Variants in ANKRD24 observed in about 807,000 individuals in gnomAD.
ANKRD24 encodes the protein ankyrin repeat domain 24.
A neutral mutation model predicts 127.8 loss-of-function variants in ANKRD24; 109 were observed. The ratio of observed to expected loss-of-function variants is 0.85; its 90% CI spans 0.73 to 1.00. The LOEUF (loss-of-function observed/expected upper bound fraction) is 1.00. ANKRD24 is among the 50% of genes least tolerant of loss of function. The pLI is 0.00. For missense variants in ANKRD24, 1,648 were observed against 1,570.2 expected (o/e 1.05, Z -0.84); for synonymous variants, 743 against 671.1 (o/e 1.11, Z -1.66).
chr19:4,195,227 C>T lies in ANKRD24; in HGVS notation c.37-4456C>T, dbSNP rs1174957345. ...AGCTGGGACTACAGGCGCCCACCACCACGCCCGGCTAATTTTTTGTATTTT... is the reference window on the plus strand; with the variant it reads ...AGCTGGGACTACAGGCGCCCACCACTACGCCCGGCTAATTTTTTGTATTTT... On this transcript the variant is annotated intron_variant, in intron 2 of 21. Coordinates refer to ENST00000318934, the MANE Select transcript of ANKRD24 (RefSeq NM_001393985.1). The surrounding 1 kb of genome is among the most constrained non-coding windows in gnomAD (Gnocchi z 4.2). Among the ~76,000 whole-genome samples, 5 of 152,080 alleles carry T rather than the reference C, an allele frequency of 3.3e-5. No individual in the cohort carries two copies. The highest frequency in any genetic ancestry group is 7.4e-5 in the Non-Finnish European group (5 of 68,022).
Position 4,216,614 on chromosome 19 carries a change from C to G in ANKRD24, c.1454C>G (p.Pro485Arg), listed in dbSNP as rs752828452. The G allele has an allele frequency of 1.2e-6, 2 of 1,611,026 alleles. No homozygotes were observed. Among genetic ancestry groups the G allele is most frequent in the South Asian group, 1.1e-5 (1 of 90,350 alleles). Reference protein sequence around the residue: ...MEVEALAEVIPLALYDSLRAE... With the variant: ...MEVEALAEVIRLALYDSLRAE... ...GTGGAAGCTTTGGCAGAGGTCATCCCTCTTGCCCTCTATGACTCTCTCCGG... is the reference window on the plus strand; with the variant it reads ...GTGGAAGCTTTGGCAGAGGTCATCCGTCTTGCCCTCTATGACTCTCTCCGG... Residue 485 changes from proline to arginine, a missense_variant, in exon 18 of 22, where the codon CCT (proline) becomes CGT (arginine). Transcript: ENST00000318934.
At chr19:4,192,562 C>A (rs1000918089) in intron 2 of ANKRD24, among the ~76,000 whole-genome samples, 3 of 151,918 alleles carry the variant, frequency 2.0e-5, no homozygotes, top group Non-Finnish European at 1.5e-5. Flanking sequence ...ATAGCTGGTC[C>A]TGCATGGAAT....
intron 2 of ANKRD24, 70 bp downstream of exon 2, chr19:4,186,531 G>T: frequency 6.6e-7 from 1 of 1,519,980 alleles, no homozygotes; most frequent in Non-Finnish European, 9.0e-7. Flanking sequence ...GGGCTTGGCT[G>T]AAGATCCACC....
chr19:4,183,484 G>A (rs1743910980), intron 1 of ANKRD24: 1 of 384,262 alleles, frequency 2.6e-6, no homozygotes, highest in Non-Finnish European at 3.6e-6. Context: ...CCAGGTAATG[G>A]TGACATGGTG....
rs534848864 is a variant in ANKRD24 at position 4,207,865 on chromosome 19, C to G, written c.729C>G (p.Thr243=). 1.3e-6 allele frequency: 2 copies of G among 1,560,954 alleles called. No homozygotes were observed. The highest frequency in any genetic ancestry group is 4.6e-5 in the East Asian group (2 of 43,778). ...LLQGGAQPGI[T]DALGQDAAHY... ...AGGGCGGAGCCCAGCCGGGCATCAC[C>G]GATGCGCTGGGGCAGGACGCGGCTC... Residue 243 remains threonine (T), a synonymous_variant, in exon 10 of 22, where the codon ACC becomes ACG. Coordinates refer to ENST00000318934, the MANE Select transcript of ANKRD24 (RefSeq NM_001393985.1).
chr19:4,194,953 G>A (rs183100951), intron 2 of ANKRD24, among the ~76,000 whole-genome samples: 108 of 152,206 alleles, frequency 7.1e-4, no homozygotes, highest in African/African-American at 2.6e-3. Flanking sequence ...GGCTCCGAGG[G>A]GCATTTGCTC....
At chr19:4,210,424 C>A in intron 13 of ANKRD24, 52 bp downstream of exon 13, 2 of 1,425,604 alleles carry the variant, frequency 1.4e-6, no homozygotes, top group Non-Finnish European at 1.9e-6. Flanking sequence ...GGGGTCAATG[C>A]AGGCATGAAG....
chr19:4,219,868 C>A (rs1348416364), intron 19 of ANKRD24, 110 bp downstream of exon 19: 2 of 1,282,112 alleles, frequency 1.6e-6, no homozygotes, highest in East Asian at 2.6e-5. Context: ...AACCCATTTT[C>A]CAGAAGGGAA....
At chr19:4,221,681 G>A (rs1001159512) in intron 19 of ANKRD24, among the ~76,000 whole-genome samples, 3 of 152,106 alleles carry the variant, frequency 2.0e-5, no homozygotes, top group Non-Finnish European at 2.9e-5. Context: ...ACCCAGCCTC[G>A]ACTCACTGTG....
chr19:4,199,610 C>G lies in ANKRD24; in HGVS notation c.37-73C>G. On this transcript the variant is annotated intron_variant, in intron 2 of 21. Coordinates refer to ENST00000318934, the MANE Select transcript of ANKRD24 (RefSeq NM_001393985.1). The surrounding 1 kb of genome is among the most constrained non-coding windows in gnomAD (Gnocchi z 5.2). ...ACAACTGGGGTGATGGGCCTGGGGGCAGATGCTGGGGGTCGCAGGCTTGGG... is the reference window on the plus strand; with the variant it reads ...ACAACTGGGGTGATGGGCCTGGGGGGAGATGCTGGGGGTCGCAGGCTTGGG... 2 of 1,465,072 alleles carry G rather than the reference C, an allele frequency of 1.4e-6. No homozygotes were observed. Among genetic ancestry groups the G allele is most frequent in the Non-Finnish European group, 1.8e-6 (2 of 1,114,050 alleles). 90.8% of individuals were successfully genotyped at this position (1,465,072 alleles called of 1,614,324 possible).
chr19:4,214,810 C>T (rs1001504374), intron 15 of ANKRD24, among the ~76,000 whole-genome samples: 5 of 152,068 alleles, frequency 3.3e-5, no homozygotes, highest in South Asian at 2.1e-4. Context: ...GCCAAGATCA[C>T]GCCACTGCAC....
At chr19:4,218,593 C>T (rs1453986303) in intron 18 of ANKRD24, among the ~76,000 whole-genome samples, 2 of 152,066 alleles carry the variant, frequency 1.3e-5, no homozygotes, top group African/African-American at 2.4e-5. Context: ...AGCCTCCGCA[C>T]CTGGCCTTGA....
intron 1 of ANKRD24, 69 bp from the exon 2 acceptor site, chr19:4,186,321 G>A (rs1318909899): frequency 1.5e-5 from 23 of 1,538,834 alleles, no homozygotes; most frequent in Admixed American, 2.0e-5. Context: ...TGAGGAGGGC[G>A]AGGCAACGGA....
At chr19:4,221,461 C>T (rs1370762091) in intron 19 of ANKRD24, among the ~76,000 whole-genome samples, 1 of 151,688 alleles carries the variant, frequency 6.6e-6, no homozygotes, top group Non-Finnish European at 1.5e-5. Context: ...AACTCTTGAG[C>T]TCAAGCGATC....
intron 1 of ANKRD24, 108 bp downstream of exon 1, chr19:4,182,848 A>G (rs985946506): frequency 3.4e-5 from 21 of 622,238 alleles, no homozygotes; most frequent in Non-Finnish European, 4.2e-5. Context: ...GACACAGGCT[A>G]TCCATGTCCC....
chr19:4,204,966 A>G (rs141453290), intron 7 of ANKRD24, among the ~76,000 whole-genome samples: 6,444 of 152,132 alleles, frequency 0.042, 366 homozygotes, highest in African/African-American at 0.13. Context: ...GGCCGGGTGC[A>G]GTGGCTCACG....
rs779234955 is a variant in ANKRD24, at chr19:4,219,741, A to C, written c.3154A>C (p.Lys1052Gln). ...SRAQEALDKAKEKDKKITELS... is the reference protein window; with the variant it reads ...SRAQEALDKAQEKDKKITELS... The stretch of plus-strand genomic sequence containing the variant: ...GGCCCAGGAGGCTCTGGACAAGGCC[A>C]AGGAGAAGGACAAGAAGGTGGGTGC... Residue 1052 changes from lysine to glutamine, a missense_variant, in exon 19 of 22, where the codon AAG (lysine) becomes CAG (glutamine). By Grantham distance (53) the Lys-to-Gln change is moderately conservative. Transcript: ENST00000318934. The C allele has an allele frequency of 1.2e-6, 2 of 1,608,804 alleles. No individual in the cohort carries two copies. Among genetic ancestry groups the C allele is most frequent in the Admixed American group, 3.4e-5 (2 of 58,920 alleles).
At chr19:4,203,052 C>CTT (rs551724235) in intron 7 of ANKRD24, 126 bp downstream of exon 7, 471 of 625,936 alleles carry the variant, frequency 7.5e-4, no homozygotes, top group Middle Eastern at 2.0e-3. Flanking sequence ...TTCTTTCTTT[C>CTT]TTTTTTTTTT....
rs1283593291 is a variant in ANKRD24 at position 4,217,406 on chromosome 19, C to T, written c.2246C>T (p.Ala749Val). The change falls in exon 18 of 22, where the codon GCG becomes GTG. Residue 749 changes from alanine to valine, a missense_variant. Coordinates refer to ENST00000318934, the MANE Select transcript of ANKRD24 (RefSeq NM_001393985.1). ...REREAAAELE[A>V]ALGKCEAAEA... ...CGGGAGGCAGCTGCGGAGCTGGAGG[C>T]GGCCCTGGGGAAGTGCGAGGCCGCG... The T allele has an allele frequency of 7.7e-6, 12 of 1,549,342 alleles. No homozygotes were observed. The highest frequency in any genetic ancestry group is 2.4e-5 in the South Asian group (2 of 83,962).
Sources: gnomAD v4.1 joint callset for allele counts (sites outside exome capture counted in the v4.1 genomes callset) on GRCh38, gnomAD v4.1.1 for gene constraint, Gnocchi (gnomAD v3.1) non-coding constraint, MANE v1.5 for transcripts, NCBI Gene and HGNC (gene_info 2026-07-23, HGNC 2026-07-21) for gene names.